The following ST8SIA2 variants were observed in gnomAD, a reference collection of about 807,000 sequenced individuals.
The protein encoded by ST8SIA2 is ST8 alpha-N-acetyl-neuraminide alpha-2,8-sialyltransferase 2.
A neutral mutation model predicts 37.6 loss-of-function variants in ST8SIA2; 22 were observed. The observed-to-expected ratio is 0.58, with a 90% CI of 0.42 to 0.83. The LOEUF (loss-of-function observed/expected upper bound fraction) is 0.83. Among genes scored for constraint, ST8SIA2 ranks in the 40% least tolerant of loss-of-function variants. The pLI is 0.00. For missense variants in ST8SIA2, 382 were observed against 484.7 expected, an observed-to-expected ratio of 0.79 and a Z score of 1.99; for synonymous variants, 205 against 201.2, an observed-to-expected ratio of 1.02 and a Z score of -0.16.
At chr15:92,457,792 T>A (rs186032729) in intron 5 of ST8SIA2, among the ~76,000 whole-genome samples, 141 of 152,090 alleles carry the variant, frequency 9.3e-4, no homozygotes, top group African/African-American at 3.3e-3. Flanking sequence ...CGCTCAGGAG[T>A]TCTTGTTTAC....
At chr15:92,403,156 T>A (rs2049484013) in intron 1 of ST8SIA2, among the ~76,000 whole-genome samples, 1 of 152,200 alleles carries the variant, frequency 6.6e-6, no homozygotes. Context: ...CCAAGCACCC[T>A]GTTAGTCCAT....
At chr15:92,410,136 C>T (rs1345551791) in intron 1 of ST8SIA2, among the ~76,000 whole-genome samples, 1 of 152,252 alleles carries the variant, frequency 6.6e-6, no homozygotes, top group Non-Finnish European at 1.5e-5. Context: ...CAGGTCTTCA[C>T]TTGCTCTAGA....
intron 1 of ST8SIA2, among the ~76,000 whole-genome samples, chr15:92,405,613 G>T (rs1170944570): frequency 6.6e-6 from 1 of 152,070 alleles, no homozygotes; most frequent in Admixed American, 6.5e-5. Context: ...CATCAATGTG[G>T]GTATTACTTA....
rs963173939 is a variant in ST8SIA2 at position 92,448,195 on chromosome 15, A to T, written c.842+3266A>T. Among the ~76,000 whole-genome samples, 29 of 152,346 alleles carry T rather than the reference A, an allele frequency of 1.9e-4. 1 individual carries two copies. The highest frequency in any genetic ancestry group is 1.8e-3 in the Admixed American group (28 of 15,302). ...CAGCTGCAGGACCACCCCAGGAGGA[A>T]ATACTGCAGGAGATTAGCCTCTTCT... On this transcript the variant is annotated intron_variant, in intron 5 of 5. Transcript: ENST00000268164.
intron 2 of ST8SIA2, among the ~76,000 whole-genome samples, chr15:92,433,643 G>A (rs943500165): frequency 6.6e-6 from 1 of 152,188 alleles, no homozygotes; most frequent in Admixed American, 6.5e-5. Flanking sequence ...CGCTATGTTA[G>A]ACCATTAGGG....
chr15:92,396,628 G>A (rs1221126450), intron 1 of ST8SIA2, among the ~76,000 whole-genome samples: 1 of 151,960 alleles, frequency 6.6e-6, no homozygotes, highest in Non-Finnish European at 1.5e-5. Flanking sequence ...CGAGTAGCTG[G>A]GATTACAGGC....
intron 1 of ST8SIA2, among the ~76,000 whole-genome samples, chr15:92,411,158 C>A (rs1194945352): frequency 6.6e-6 from 1 of 152,112 alleles, no homozygotes; most frequent in Non-Finnish European, 1.5e-5. Flanking sequence ...ATCCACGAAC[C>A]CCTTGAAATT....
intron 1 of ST8SIA2, among the ~76,000 whole-genome samples, chr15:92,426,706 G>A (rs1435289422): frequency 2.6e-5 from 4 of 152,202 alleles, no homozygotes; most frequent in African/African-American, 9.7e-5. Flanking sequence ...AGTTCTAGAG[G>A]TCTGTACAGC....
At chr15:92,444,565 T>C in intron 4 of ST8SIA2, 71 bp from the exon 5 acceptor site, 1 of 1,597,354 alleles carries the variant, frequency 6.3e-7, no homozygotes, top group Non-Finnish European at 8.6e-7. Context: ...AGGCAAAGGA[T>C]GGGATCGAGT....
chr15:92,405,997 A>T (rs2049505600), intron 1 of ST8SIA2, among the ~76,000 whole-genome samples: 1 of 152,086 alleles, frequency 6.6e-6, no homozygotes, highest in Non-Finnish European at 1.5e-5. Context: ...TTTCTTTATC[A>T]CCTGCCTACG....
intron 1 of ST8SIA2, among the ~76,000 whole-genome samples, chr15:92,396,446 G>T (rs1178803880): frequency 7.3e-5 from 11 of 151,024 alleles, no homozygotes; most frequent in African/African-American, 2.7e-4. Flanking sequence ...CAAGTGAGGG[G>T]TTTCTTTTTG....
At chr15:92,424,858 C>T (rs1020383639) in intron 1 of ST8SIA2, among the ~76,000 whole-genome samples, 4 of 152,198 alleles carry the variant, frequency 2.6e-5, no homozygotes, top group African/African-American at 9.6e-5. Context: ...GTGATCCACC[C>T]GCCTCAGCCT....
Position 92,419,294 on chromosome 15 carries a change from T to C in ST8SIA2, c.99-10755T>C, listed in dbSNP as rs1006201454. Among the ~76,000 whole-genome samples, 5 of 152,110 alleles carry C rather than the reference T, an allele frequency of 3.3e-5. No individual in the cohort carries two copies. In the South Asian group the frequency reaches 1.0e-3, roughly 31 times the overall value. ...GGTGGAGTGAGGAAACAGAGACAACTAGTGTAGACGGACCTGAGAAAGTTT... is the reference window on the plus strand; with the variant it reads ...GGTGGAGTGAGGAAACAGAGACAACCAGTGTAGACGGACCTGAGAAAGTTT... On this transcript the variant is annotated intron_variant, in intron 1 of 5. Coordinates refer to ENST00000268164, the MANE Select transcript of ST8SIA2 (RefSeq NM_006011.4).
Position 92,465,802 on chromosome 15 carries a change from A to G in ST8SIA2, c.*1417A>G, listed in dbSNP as rs2049988166. ...CCCAAAGCCAAATGCAGTTCCAAAT[A>G]GTGGACATAATCTCCCAGGGAAATC... On this transcript the variant is annotated 3_prime_UTR_variant, in exon 6 of 6. Transcript: ENST00000268164. The G allele has an allele frequency of 6.6e-6, 1 of 152,196 alleles. No individual in the cohort carries two copies. Among genetic ancestry groups the G allele is most frequent in the African/African-American group, 2.4e-5 (1 of 41,434 alleles). The allele number at this position is 152,196 out of a possible 1,614,324, so 9.4% of individuals were successfully genotyped here.
chr15:92,416,368 G>A (rs2049586813), intron 1 of ST8SIA2, among the ~76,000 whole-genome samples: 1 of 152,152 alleles, frequency 6.6e-6, no homozygotes, highest in South Asian at 2.1e-4. Flanking sequence ...GGAGGTGTGT[G>A]GAGGCAGCCA....
chr15:92,425,491 T>G (rs1196310632), intron 1 of ST8SIA2, among the ~76,000 whole-genome samples: 1 of 152,200 alleles, frequency 6.6e-6, no homozygotes, highest in Non-Finnish European at 1.5e-5. Flanking sequence ...AAGACAGGCT[T>G]CTATTCTGTT....
intron 1 of ST8SIA2, among the ~76,000 whole-genome samples, chr15:92,400,272 C>G (rs1048209088): frequency 2.6e-5 from 4 of 152,192 alleles, no homozygotes; most frequent in Non-Finnish European, 4.4e-5. Context: ...ACCCCATGGA[C>G]ATGCATTTCA....
chr15:92,436,116 T>G (rs1006844310), intron 3 of ST8SIA2, among the ~76,000 whole-genome samples: 3 of 152,174 alleles, frequency 2.0e-5, no homozygotes, highest in Non-Finnish European at 4.4e-5. Flanking sequence ...CCCACCCGGG[T>G]AATCCAGGAT....
intron 1 of ST8SIA2, among the ~76,000 whole-genome samples, chr15:92,414,150 G>A (rs2141813971): frequency 6.6e-6 from 1 of 152,354 alleles, no homozygotes; most frequent in Non-Finnish European, 1.5e-5. Context: ...GAATCTGCTG[G>A]AAATATTCAA....
Sources: gnomAD v4.1 joint callset for allele counts (sites outside exome capture counted in the v4.1 genomes callset) on GRCh38, gnomAD v4.1.1 for gene constraint, MANE v1.5 for transcripts, NCBI Gene and HGNC (gene_info 2026-07-23, HGNC 2026-07-21) for gene names.